CAMK4: variants seen among roughly 807,000 people sequenced by gnomAD.
CAMK4 encodes the protein calcium/calmodulin dependent protein kinase IV.
Under a neutral mutation model 44.9 loss-of-function variants are expected in CAMK4, and 22 were observed. That is an observed-to-expected ratio of 0.49 (90% CI 0.35 to 0.70). The LOEUF is 0.70. Among genes scored for constraint, CAMK4 ranks in the 30% least tolerant of loss-of-function variants. The pLI, the probability that CAMK4 is intolerant of heterozygous loss-of-function variation, is 0.01. For missense variants in CAMK4, 498 were observed against 586.8 expected, an observed-to-expected ratio of 0.85 and a Z score of 1.56; for synonymous variants, 218 against 215.4, an observed-to-expected ratio of 1.01 and a Z score of -0.11.
chr5:111,230,031 G>A (rs191374704), intron 1 of CAMK4, among the ~76,000 whole-genome samples: 4 of 152,220 alleles, frequency 2.6e-5, no homozygotes, highest in East Asian at 1.9e-4. Context: ...GAAATGGGCC[G>A]GGTGCAGCAT....
intron 5 of CAMK4, among the ~76,000 whole-genome samples, chr5:111,412,691 C>T (rs1050064114): frequency 4.6e-5 from 7 of 152,082 alleles, no homozygotes; most frequent in Non-Finnish European, 7.3e-5. Flanking sequence ...AGGCAGGGCT[C>T]GAACACTGGA....
rs1449973851 is a variant in CAMK4 at position 111,224,797 on chromosome 5, A to G, written c.161+153A>G. On this transcript the variant is annotated intron_variant, in intron 1 of 10. Coordinates refer to ENST00000282356, the MANE Select transcript of CAMK4 (RefSeq NM_001744.6). The surrounding 1 kb of genome is among the most constrained non-coding windows in gnomAD (Gnocchi z 5.7). ...CTTGAGAGAGAGCTAACCTTCATTC[A>G]GGTGCGGCTCGAGTCCTTCCCACCC... Among the ~76,000 whole-genome samples, 1 of 152,004 alleles carries G rather than the reference A, an allele frequency of 6.6e-6. No individual in the cohort carries two copies. Among genetic ancestry groups the G allele is most frequent in the Non-Finnish European group, 1.5e-5 (1 of 67,988 alleles).
chr5:111,399,425 T>C (rs1164221752), intron 5 of CAMK4, among the ~76,000 whole-genome samples: 1 of 152,230 alleles, frequency 6.6e-6, no homozygotes, highest in Non-Finnish European at 1.5e-5. Context: ...GTATGTCTTT[T>C]TGCACTTATA....
chr5:111,250,742 AT>A (rs1749451115), intron 1 of CAMK4, among the ~76,000 whole-genome samples: 1 of 151,962 alleles, frequency 6.6e-6, no homozygotes, highest in Admixed American at 6.6e-5. Flanking sequence ...TCTGACATCC[AT>A]TTATCCTCTA....
intron 1 of CAMK4, among the ~76,000 whole-genome samples, chr5:111,272,477 A>G (rs1750559541): frequency 1.3e-5 from 2 of 152,300 alleles, no homozygotes; most frequent in South Asian, 2.1e-4. Flanking sequence ...GCTGAGCAAT[A>G]TATTTTGGAG....
chr5:111,459,518 ATATACTC>A (rs940209096), intron 7 of CAMK4, among the ~76,000 whole-genome samples: 2 of 152,108 alleles, frequency 1.3e-5, no homozygotes, highest in Non-Finnish European at 1.5e-5. Context: ...AAAACTGCCT[ATATACTC>A]TATACATGTA....
At chr5:111,419,930 C>G (rs1752962139) in intron 5 of CAMK4, among the ~76,000 whole-genome samples, 1 of 152,118 alleles carries the variant, frequency 6.6e-6, no homozygotes, top group Non-Finnish European at 1.5e-5. Flanking sequence ...GATGTGGGCT[C>G]TTTTTTGGTT....
intron 9 of CAMK4, chr5:111,481,849 A>T (rs1755445525): frequency 6.6e-6 from 1 of 152,254 alleles, no homozygotes; most frequent in Non-Finnish European, 1.5e-5. Flanking sequence ...CTAAAAGATT[A>T]CATGAGTTTT....
chr5:111,331,566 G>T (rs931558031), intron 1 of CAMK4, among the ~76,000 whole-genome samples: 1 of 151,684 alleles, frequency 6.6e-6, no homozygotes, highest in Non-Finnish European at 1.5e-5. Context: ...AAGATCATTT[G>T]TGTATAACAC....
chr5:111,492,416 T>C lies in CAMK4; in HGVS notation c.*7950T>C, dbSNP rs1223269371. The C allele has an allele frequency of 2.0e-5, 3 of 152,174 alleles. No homozygotes were observed. Among genetic ancestry groups the C allele is most frequent in the African/African-American group, 7.2e-5 (3 of 41,450 alleles). 9.4% of individuals were successfully genotyped at this position (152,174 alleles called of 1,614,324 possible). On this transcript the variant is annotated 3_prime_UTR_variant, in exon 11 of 11. Transcript: ENST00000282356. ...GATATCAATCTTCTGCCAGTCCGCA[T>C]CATTATGTGTAGCAGAGACTTTACT...
At chr5:111,244,907 A>G (rs1749164619) in intron 1 of CAMK4, among the ~76,000 whole-genome samples, 1 of 152,200 alleles carries the variant, frequency 6.6e-6, no homozygotes, top group East Asian at 1.9e-4. Context: ...AACATAACAT[A>G]AAATAAATCC....
intron 1 of CAMK4, among the ~76,000 whole-genome samples, chr5:111,238,417 C>G (rs1214770412): frequency 1.3e-5 from 2 of 152,100 alleles, no homozygotes; most frequent in Admixed American, 6.6e-5. Flanking sequence ...CTTGCTCGCT[C>G]GCTGTCTCTC....
rs1370642795 is a variant in CAMK4, at chr5:111,484,767, T to C, written c.*301T>C. ...ACCAGTGGCACATATTTGAAGTGAA[T>C]AGTAGCAAATTGTTTTTGCTTTGAA... On this transcript the variant is annotated 3_prime_UTR_variant, in exon 11 of 11. Transcript: ENST00000282356. This position sits in a 1 kb window ranked among gnomAD's most constrained non-coding sequence, Gnocchi z 5.3. The C allele has an allele frequency of 1.3e-5, 3 of 234,750 alleles. No homozygotes were observed. Among genetic ancestry groups the C allele is most frequent in the African/African-American group, 6.7e-5 (3 of 44,612 alleles). The allele number at this position is 234,750 out of a possible 1,614,324, so 14.5% of individuals were successfully genotyped here.
intron 1 of CAMK4, among the ~76,000 whole-genome samples, chr5:111,338,656 A>T (rs1277256140): frequency 6.6e-6 from 1 of 151,172 alleles, no homozygotes; most frequent in Non-Finnish European, 1.5e-5. Context: ...GGTGAAAGGG[A>T]GGGTCCAGTT....
intron 1 of CAMK4, among the ~76,000 whole-genome samples, chr5:111,309,011 A>C (rs980641938): frequency 6.6e-6 from 1 of 152,162 alleles, no homozygotes; most frequent in Non-Finnish European, 1.5e-5. Flanking sequence ...GTGTCCAGGA[A>C]CTACAATCCG....
At chr5:111,404,906 T>G (rs1398041218) in intron 5 of CAMK4, among the ~76,000 whole-genome samples, 2 of 147,084 alleles carry the variant, frequency 1.4e-5, no homozygotes, top group Middle Eastern at 3.2e-3. Context: ...TTTGGGGGTT[T>G]TGTTAATGTT....
chr5:111,434,019 T>A (rs1414881823), intron 5 of CAMK4, among the ~76,000 whole-genome samples: 2 of 152,074 alleles, frequency 1.3e-5, no homozygotes, highest in Non-Finnish European at 2.9e-5. Flanking sequence ...AGTGCTGGCC[T>A]TGCGCGGTGG....
intron 2 of CAMK4, among the ~76,000 whole-genome samples, chr5:111,351,333 T>A (rs1197578550): frequency 2.0e-5 from 3 of 152,236 alleles, no homozygotes; most frequent in African/African-American, 4.8e-5. Flanking sequence ...TCCACCAGTC[T>A]TTTTACACAC....
chr5:111,263,456 G>C (rs67062450), intron 1 of CAMK4, among the ~76,000 whole-genome samples: 11,220 of 152,222 alleles, frequency 0.074, 492 homozygotes, highest in Middle Eastern at 0.1. Context: ...TTTATTTCCA[G>C]ATTTCTTCAC....
Sources: allele counts gnomAD v4.1 joint callset (sites outside exome capture counted in the v4.1 genomes callset), GRCh38; gene constraint gnomAD v4.1.1; non-coding constraint Gnocchi (gnomAD v3.1); transcripts MANE v1.5; gene names NCBI Gene and HGNC (gene_info 2026-07-23, HGNC 2026-07-21).